CHD1: variants seen among roughly 807,000 people sequenced by gnomAD.
The protein encoded by CHD1 is chromodomain helicase DNA binding protein 1.
In CHD1, 36 loss-of-function variants were observed where a neutral mutation model predicts 224.2. The observed-to-expected ratio is 0.16, with a 90% CI of 0.12 to 0.21. CHD1 has a LOEUF of 0.21. Among genes scored for constraint, CHD1 ranks in the 10% least tolerant of loss-of-function variants. The pLI is 1.00. For synonymous variants in CHD1, 668 were observed against 658.3 expected (o/e 1.01, Z -0.23); for missense variants, 1,378 against 1,994.8 (o/e 0.69, Z 5.89).
chr5:98,908,277 C>T (rs150372980), intron 2 of CHD1, among the ~76,000 whole-genome samples: 175 of 152,232 alleles, frequency 1.1e-3, no homozygotes, highest in African/African-American at 4.1e-3. Flanking sequence ...TTTTTTGAGT[C>T]CCACCTCACA....
At chr5:98,882,804 C>T (rs929487878) in intron 19 of CHD1, among the ~76,000 whole-genome samples, 1 of 152,042 alleles carries the variant, frequency 6.6e-6, no homozygotes, top group Non-Finnish European at 1.5e-5. Flanking sequence ...CAAGTAAAGA[C>T]GTTTTAAAGT....
intron 32 of CHD1, chr5:98,860,774 A>G (rs1320440817): frequency 6.6e-6 from 1 of 152,266 alleles, no homozygotes; most frequent in Non-Finnish European, 1.5e-5. Context: ...ATTCAAATAT[A>G]CACTAGAGGT....
In CHD1 at chr5:98,869,861, C is replaced by T. The variant is rs181466243; in HGVS notation, c.4000G>A (p.Ala1334Thr). 1.9e-6 allele frequency: 3 copies of T among 1,603,292 alleles called. No homozygotes were observed. Among genetic ancestry groups the T allele is most frequent in the Non-Finnish European group, 2.6e-6 (3 of 1,171,530 alleles). ...SGAGSSKRRKARAKKNKAMKS... is the reference protein window; with the variant it reads ...SGAGSSKRRKTRAKKNKAMKS... ...ATTGCTTTATTCTTCTTAGCTCTTG[C>T]TTTTCTCCTCTTTGAACTTCCCTAA... The change falls in exon 30 of 36, where the codon GCA (alanine) becomes ACA (threonine). Residue 1334 changes from alanine (A) to threonine (T), a missense_variant. By Grantham distance (58) the Ala-to-Thr change is moderately conservative. Around this residue, in one of 16 missense-constraint regions of CHD1, gnomAD observed 105 missense variants for 93.4 expected, o/e 1.12. Transcript: ENST00000614616.
intron 2 of CHD1, among the ~76,000 whole-genome samples, chr5:98,908,803 T>A (rs1176646398): frequency 6.6e-6 from 1 of 151,722 alleles, no homozygotes; most frequent in Non-Finnish European, 1.5e-5. Context: ...ACCCACGGAA[T>A]AAATAAATAA....
intron 2 of CHD1, among the ~76,000 whole-genome samples, chr5:98,914,042 C>T (rs1379238278): frequency 6.6e-6 from 1 of 152,286 alleles, no homozygotes; most frequent in African/African-American, 2.4e-5. Context: ...TAGGTTGACA[C>T]ATGCCCACCC....
At chr5:98,907,022 C>T (rs1752087947) in intron 2 of CHD1, among the ~76,000 whole-genome samples, 1 of 152,140 alleles carries the variant, frequency 6.6e-6, no homozygotes, top group Non-Finnish European at 1.5e-5. Context: ...ATTGTGGGGG[C>T]TATTGTGGGC....
chr5:98,898,053 A>G (rs1383356102), intron 10 of CHD1, among the ~76,000 whole-genome samples: 1 of 152,158 alleles, frequency 6.6e-6, no homozygotes, highest in Non-Finnish European at 1.5e-5. Flanking sequence ...TTTTTAAGAG[A>G]AAGTTTGAAA....
At chr5:98,889,638 C>T (rs1750882375) in intron 15 of CHD1, 1 of 154,276 alleles carries the variant, frequency 6.5e-6, no homozygotes, top group African/African-American at 2.4e-5. Flanking sequence ...GCCACGACTG[C>T]CTTCTCTAGA....
At position 98,892,420 on chromosome 5, in the gene CHD1, C is replaced by T; in HGVS notation, c.2180+105G>A. 3 of 735,508 alleles carry T rather than the reference C, an allele frequency of 4.1e-6. No individual in the cohort carries two copies. In the South Asian group the frequency reaches 7.8e-5, roughly 19 times the overall value. 45.6% of individuals were successfully genotyped at this position (735,508 alleles called of 1,614,324 possible). ...TTCTGAAACTCGAGAATTGCAACTG[C>T]TCTAAGACACTATTGTAGAGAAGGT... is the stretch of plus-strand genomic sequence containing the variant. On this transcript the variant is annotated intron_variant, in intron 15 of 35. Transcript: ENST00000614616.
Position 98,858,165 on chromosome 5 carries a change from G to A in CHD1, c.4787+15C>T, listed in dbSNP as rs1185540022. 2 of 1,607,732 alleles carry A rather than the reference G, an allele frequency of 1.2e-6. No individual in the cohort carries two copies. The highest frequency in any genetic ancestry group is 4.5e-5 in the East Asian group (2 of 44,786). The stretch of plus-strand genomic sequence containing the variant: ...CATGCATAAGCAAAATTTCTAAAGT[G>A]ACTGCCAAGTTTACCTGCTGTCTTG... On this transcript the variant is annotated intron_variant, in intron 35 of 35. Coordinates refer to ENST00000614616, the MANE Select transcript of CHD1 (RefSeq NM_001270.4).
chr5:98,874,372 TATA>T (rs959488984), intron 25 of CHD1, among the ~76,000 whole-genome samples: 1 of 151,816 alleles, frequency 6.6e-6, no homozygotes, highest in Non-Finnish European at 1.5e-5. Flanking sequence ...ATACAGTTTG[TATA>T]ATAAGAGAAT....
rs556021204 is a variant in CHD1 at position 98,895,765 on chromosome 5, A to G, written c.1710+461T>C. Among the ~76,000 whole-genome samples, 296 of 151,826 alleles carry G rather than the reference A, an allele frequency of 1.9e-3. 3 individuals carry two copies. Among genetic ancestry groups the G allele is most frequent in the Non-Finnish European group, 3.4e-4 (23 of 67,888 alleles). ...GAAAACAAAAAAAAAAAAACCCACC[A>G]AAAAAACAGTCAAATATATATACTA... On this transcript the variant is annotated intron_variant, in intron 12 of 35. Coordinates refer to ENST00000614616, the MANE Select transcript of CHD1 (RefSeq NM_001270.4).
At chr5:98,890,642 A>G (rs1286886575) in intron 15 of CHD1, among the ~76,000 whole-genome samples, 1 of 152,164 alleles carries the variant, frequency 6.6e-6, no homozygotes, top group Non-Finnish European at 1.5e-5. Flanking sequence ...AAAATGCATT[A>G]CTTTTTTTAA....
Position 98,898,691 on chromosome 5 carries a change from G to T in CHD1, c.1159C>A (p.Gln387Lys). Residue 387 changes from glutamine (Q) to lysine (K), a missense_variant, in exon 9 of 36, where the codon CAG becomes AAG. Physicochemically the swap from Gln to Lys is moderately conservative, Grantham distance 53. This residue lies in a region of CHD1 where 13 missense variants were observed against 23.3 expected (regional missense o/e 0.56). Transcript: ENST00000614616. Reference protein sequence around the residue: ...QQELTDDLHKQYQIVERIIAH... With the variant: ...QQELTDDLHKKYQIVERIIAH... The stretch of plus-strand genomic sequence containing the variant: ...ATTATACGTTCCACTATTTGATACT[G>T]TTTATGTAGATCATCTGTAAGTTCT... 6.3e-7 allele frequency: 1 copy of T among 1,580,048 alleles called. No homozygotes were observed. The highest frequency in any genetic ancestry group is 1.3e-5 in the African/African-American group (1 of 74,296).
intron 2 of CHD1, among the ~76,000 whole-genome samples, chr5:98,911,146 A>AAAATATATATATAT (rs1491111295): frequency 2.6e-5 from 1 of 39,132 alleles, no homozygotes. Flanking sequence ...AAAAAAAAAA[A>AAAATATATATATAT]ATATATATAT....
At chr5:98,926,584 T>A in intron 1 of CHD1, 50 bp from the exon 2 acceptor site, 1 of 378,038 alleles carries the variant, frequency 2.6e-6, no homozygotes. Flanking sequence ...AGAAAAAAGG[T>A]AAATTAAGCC....
At position 98,887,147 on chromosome 5, in the gene CHD1, T is replaced by C. The variant is rs568179850; in HGVS notation, c.2496+941A>G. Among the ~76,000 whole-genome samples the C allele has an allele frequency of 1.9e-4, 29 of 152,268 alleles. No homozygotes were observed. The South Asian group carries it at 5.6e-3, about 29-fold the overall frequency. On this transcript the variant is annotated intron_variant, in intron 17 of 35. Coordinates refer to ENST00000614616, the MANE Select transcript of CHD1 (RefSeq NM_001270.4). ...CTTTAAATGAGTAAACTGTATGATA[T>C]GGGAATTACGTATCAATAAAGGTGT...
chr5:98,914,176 T>TG, intron 2 of CHD1, among the ~76,000 whole-genome samples: 1 of 152,278 alleles, frequency 6.6e-6, no homozygotes, highest in Admixed American at 6.5e-5. Flanking sequence ...GCCTTAAAAA[T>TG]GAAGTGGCTT....
chr5:98,882,589 C>G (rs1391037902), intron 19 of CHD1, among the ~76,000 whole-genome samples: 1 of 152,022 alleles, frequency 6.6e-6, no homozygotes, highest in Non-Finnish European at 1.5e-5. Flanking sequence ...GTAAATTTTC[C>G]CTATTTCTCT....
Sources: gnomAD v4.1 joint callset for allele counts (sites outside exome capture counted in the v4.1 genomes callset) on GRCh38, gnomAD v4.1.1 for gene constraint, gnomAD v4.1.1 regional missense constraint, MANE v1.5 for transcripts, NCBI Gene and HGNC (gene_info 2026-07-23, HGNC 2026-07-21) for gene names.